Variants in L3MBTL4 observed in about 807,000 individuals in gnomAD.
L3MBTL4 encodes L3MBTL histone methyl-lysine binding protein 4.
A neutral mutation model predicts 84.5 loss-of-function variants in L3MBTL4; 70 were observed. The observed-to-expected ratio is 0.83, with a 90% CI of 0.68 to 1.01. L3MBTL4 has a LOEUF of 1.01. Among genes scored for constraint, L3MBTL4 ranks in the 50% least tolerant of loss-of-function variants. The pLI is 0.00. For missense variants in L3MBTL4, 715 were observed against 754.8 expected (o/e 0.95, Z 0.62); for synonymous variants, 274 against 259.8 (o/e 1.05, Z -0.52).
chr18:6,141,204 G>A (rs1328210736), intron 13 of L3MBTL4, among the ~76,000 whole-genome samples: 2 of 151,970 alleles, frequency 1.3e-5, no homozygotes, highest in Non-Finnish European at 2.9e-5. Flanking sequence ...GTTGTCCACT[G>A]GCTTTGGCAA....
At chr18:6,392,275 G>T (rs138577211) in intron 1 of L3MBTL4, among the ~76,000 whole-genome samples, 6 of 152,194 alleles carry the variant, frequency 3.9e-5, no homozygotes, top group African/African-American at 9.7e-5. Context: ...GGAGCCAGGC[G>T]CAGTGGCTTA....
At chr18:6,145,772 G>A (rs2144747652) in intron 13 of L3MBTL4, among the ~76,000 whole-genome samples, 1 of 152,174 alleles carries the variant, frequency 6.6e-6, no homozygotes, top group South Asian at 2.1e-4. Context: ...TCAATTAAAG[G>A]GATACTGCAG....
chr18:6,179,203 G>A (rs76160055), intron 12 of L3MBTL4, among the ~76,000 whole-genome samples: 2 of 151,956 alleles, frequency 1.3e-5, no homozygotes, highest in East Asian at 1.9e-4. Context: ...TATTGGATAC[G>A]TTTGTTTTAC....
chr18:5,960,471 G>A (rs555932225), intron 17 of L3MBTL4, among the ~76,000 whole-genome samples: 2 of 152,340 alleles, frequency 1.3e-5, no homozygotes, highest in Admixed American at 6.5e-5. Context: ...CATGGGGTCA[G>A]TGAGGGCGAG....
At chr18:6,071,739 AGGAAGG>A (rs2057627372) in intron 16 of L3MBTL4, among the ~76,000 whole-genome samples, 1 of 86,482 alleles carries the variant, frequency 1.2e-5, no homozygotes, top group Admixed American at 1.4e-4. Context: ...GAAAGAAAGA[AGGAAGG>A]AAAGAAAGAA....
intron 1 of L3MBTL4, among the ~76,000 whole-genome samples, chr18:6,369,846 A>G (rs2054084297): frequency 6.6e-6 from 1 of 152,172 alleles, no homozygotes; most frequent in South Asian, 2.1e-4. Context: ...TTATAAAGAA[A>G]GCACCAGTGG....
chr18:6,070,613 T>C (rs1023359678), intron 16 of L3MBTL4, among the ~76,000 whole-genome samples: 10 of 150,804 alleles, frequency 6.6e-5, no homozygotes, highest in African/African-American at 1.9e-4. Context: ...ACCCAGGAGT[T>C]TGAGAAAAGC....
chr18:6,265,985 A>G lies in L3MBTL4; in HGVS notation c.128-1947T>C, dbSNP rs377214425. Among the ~76,000 whole-genome samples the G allele has an allele frequency of 3.3e-5, 5 of 152,348 alleles. No individual in the cohort carries two copies. The East Asian group carries it at 5.8e-4, about 18-fold the overall frequency. ...TTTAAATATTCTCATGACAAAAAACATAAGTATGTGAGGTGACGGATATGT... is the reference window on the plus strand; with the variant it reads ...TTTAAATATTCTCATGACAAAAAACGTAAGTATGTGAGGTGACGGATATGT... On this transcript the variant is annotated intron_variant, in intron 4 of 18. Transcript: ENST00000317931.
At chr18:6,107,645 G>A (rs9961957) in intron 14 of L3MBTL4, among the ~76,000 whole-genome samples, 4,280 of 152,046 alleles carry the variant, frequency 0.028, 203 homozygotes, top group African/African-American at 0.099. Context: ...AGATGCTGAT[G>A]TGGAGCTAAG....
At chr18:6,117,952 T>G (rs538086743) in intron 14 of L3MBTL4, among the ~76,000 whole-genome samples, 1 of 152,258 alleles carries the variant, frequency 6.6e-6, no homozygotes, top group Non-Finnish European at 1.5e-5. Flanking sequence ...GAAGGCCACC[T>G]GTCAACCACA....
intron 1 of L3MBTL4, among the ~76,000 whole-genome samples, chr18:6,392,350 A>G (rs1349611989): frequency 6.6e-6 from 1 of 152,206 alleles, no homozygotes; most frequent in Admixed American, 6.5e-5. Flanking sequence ...GGAGTTCAAG[A>G]CCAGCCTGGC....
At chr18:6,378,378 C>A (rs1462444945) in intron 1 of L3MBTL4, among the ~76,000 whole-genome samples, 2 of 152,168 alleles carry the variant, frequency 1.3e-5, no homozygotes, top group Non-Finnish European at 2.9e-5. Flanking sequence ...GTGTTTTAGA[C>A]ATGAAGTCTT....
At chr18:6,224,449 G>A (rs2046691602) in intron 10 of L3MBTL4, among the ~76,000 whole-genome samples, 1 of 152,198 alleles carries the variant, frequency 6.6e-6, no homozygotes, top group Admixed American at 6.5e-5. Flanking sequence ...CATCTACCTT[G>A]CCCAACACAA....
At chr18:5,970,545 T>C (rs1231689429) in intron 16 of L3MBTL4, among the ~76,000 whole-genome samples, 2 of 152,220 alleles carry the variant, frequency 1.3e-5, no homozygotes, top group African/African-American at 4.8e-5. Context: ...AGAAAACCAA[T>C]GCCTTTATAA....
At chr18:6,162,935 G>A (rs60607628) in intron 13 of L3MBTL4, among the ~76,000 whole-genome samples, 4,874 of 152,242 alleles carry the variant, frequency 0.032, 283 homozygotes, top group African/African-American at 0.11. Flanking sequence ...GGTGAGTAAT[G>A]CATTGACTGT....
At chr18:6,049,631 T>C (rs1289911798) in intron 16 of L3MBTL4, among the ~76,000 whole-genome samples, 2 of 152,172 alleles carry the variant, frequency 1.3e-5, no homozygotes, top group African/African-American at 4.8e-5. Flanking sequence ...GATCAAATAC[T>C]GCATGTACGT....
chr18:6,353,749 GA>G (rs1417400513), intron 1 of L3MBTL4, among the ~76,000 whole-genome samples: 5 of 151,938 alleles, frequency 3.3e-5, no homozygotes, highest in Non-Finnish European at 7.4e-5. Flanking sequence ...TCTCTATAAT[GA>G]AAATTATAAA....
chr18:6,067,505 T>C (rs1392312971), intron 16 of L3MBTL4, among the ~76,000 whole-genome samples: 1 of 152,200 alleles, frequency 6.6e-6, no homozygotes, highest in African/African-American at 2.4e-5. Context: ...TGAGATTCTT[T>C]TTTCTTCATC....
At chr18:6,274,723 G>C (rs2049009929) in intron 4 of L3MBTL4, among the ~76,000 whole-genome samples, 1 of 152,154 alleles carries the variant, frequency 6.6e-6, no homozygotes, top group Admixed American at 6.5e-5. Flanking sequence ...TCACGGTATA[G>C]AATAAGAAAG....
Sources: allele counts gnomAD v4.1 joint callset (sites outside exome capture counted in the v4.1 genomes callset), GRCh38; gene constraint gnomAD v4.1.1; transcripts MANE v1.5; gene names NCBI Gene and HGNC (gene_info 2026-07-23, HGNC 2026-07-21).